VRK3: variants seen among roughly 807,000 people sequenced by gnomAD.
VRK3 encodes the protein serine/threonine-protein kinase VRK3.
Under a neutral mutation model 60.4 loss-of-function variants are expected in VRK3, and 50 were observed. The ratio of observed to expected loss-of-function variants is 0.83; its 90% CI spans 0.66 to 1.05. The LOEUF (loss-of-function observed/expected upper bound fraction) is 1.05. Among genes scored for constraint, VRK3 ranks in the 50% least tolerant of loss-of-function variants. VRK3 has a pLI of 0.00. For synonymous variants in VRK3, 246 were observed against 227.8 expected (o/e 1.08, Z -0.72); for missense variants, 549 against 585.3 (o/e 0.94, Z 0.64).
intron 12 of VRK3, among the ~76,000 whole-genome samples, chr19:49,983,688 G>A (rs2123026844): frequency 6.6e-6 from 1 of 152,366 alleles, no homozygotes; most frequent in East Asian, 1.9e-4. Flanking sequence ...CATTTTGTCT[G>A]TCGTGAACTA....
Position 49,976,613 on chromosome 19 carries a change from G to A in VRK3, c.*183C>T, listed in dbSNP as rs950536927. The A allele has an allele frequency of 5.2e-5, 8 of 152,696 alleles. No homozygotes were observed. In the East Asian group the frequency reaches 1.5e-3, roughly 29 times the overall value. 9.5% of individuals were successfully genotyped at this position (152,696 alleles called of 1,614,324 possible). A position where few individuals can be genotyped will look rare whatever the true frequency, so the allele number is the denominator to read the frequency against. On this transcript the variant is annotated 3_prime_UTR_variant, in exon 15 of 15. Transcript: ENST00000316763. ...GATGGGGAACTTCACATTCACGGGA[G>A]GGAAACTGGGGCCCTCCGGGAGGCT...
intron 12 of VRK3, among the ~76,000 whole-genome samples, chr19:49,982,646 C>T (rs1234136605): frequency 6.6e-6 from 1 of 152,120 alleles, no homozygotes; most frequent in Non-Finnish European, 1.5e-5. Flanking sequence ...CTGTAAGTGG[C>T]CATGAAAGAA....
At chr19:50,019,404 C>T (rs1286960808) in intron 2 of VRK3, 2 of 149,924 alleles carry the variant, frequency 1.3e-5, no homozygotes, top group East Asian at 4.1e-4. Flanking sequence ...TGTATAGAGG[C>T]TGGTGCCTGG....
chr19:50,020,141 A>T (rs973561375), intron 2 of VRK3, among the ~76,000 whole-genome samples: 3 of 151,932 alleles, frequency 2.0e-5, no homozygotes, highest in Non-Finnish European at 4.4e-5. Context: ...CCCAGGTTCA[A>T]GCAATTCTCC....
rs1231247907 is a variant in VRK3, at chr19:49,995,305, C to A, written c.680-30G>T. ...GGAAAGCAGGGGCTTGAGGTTAGAA[C>A]CCACCCAGTCCCAAGCCCATGGCAG... On this transcript the variant is annotated intron_variant, in intron 7 of 14. Transcript: ENST00000316763. 8.8e-6 allele frequency: 14 copies of A among 1,599,756 alleles called. No individual in the cohort carries two copies. The East Asian group carries it at 3.1e-4, about 36-fold the overall frequency.
chr19:50,015,222 G>A (rs2077056259), intron 3 of VRK3, among the ~76,000 whole-genome samples: 2 of 152,140 alleles, frequency 1.3e-5, no homozygotes, highest in Admixed American at 1.3e-4. Flanking sequence ...CCCAAATCCG[G>A]AAATCTGAAA....
chr19:50,025,309 C>G lies in VRK3; in HGVS notation c.-107G>C, dbSNP rs1210066430. On this transcript the variant is annotated 5_prime_UTR_variant, in exon 1 of 15. Coordinates refer to ENST00000316763, the MANE Select transcript of VRK3 (RefSeq NM_016440.4). ...GGGGTGGGATTCTGGGCTTCTGCAG[C>G]CTGACCCTCGGATCCTCCGCAGTTA... is the stretch of plus-strand genomic sequence containing the variant. The G allele has an allele frequency of 6.6e-6, 1 of 152,328 alleles. No homozygotes were observed. The highest frequency in any genetic ancestry group is 1.5e-5 in the Non-Finnish European group (1 of 68,120). The allele number at this position is 152,328 out of a possible 1,614,324, so 9.4% of individuals were successfully genotyped here. A position where few individuals can be genotyped will look rare whatever the true frequency, so the allele number is the denominator to read the frequency against.
intron 2 of VRK3, among the ~76,000 whole-genome samples, chr19:50,017,234 T>C (rs1261025255): frequency 6.6e-6 from 1 of 151,428 alleles, no homozygotes; most frequent in African/African-American, 2.4e-5. Context: ...AAAAAGGCCA[T>C]TTATTTGTTC....
rs79903856 is a variant in VRK3, at chr19:50,018,290, C to A, written c.-1-2127G>T. On this transcript the variant is annotated intron_variant, in intron 2 of 14. Transcript: ENST00000316763. ...GCTGTGACCATATCATGCCTTGTACCCAAGTTACTATATTCCAGTCATTAA... is the reference window on the plus strand; with the variant it reads ...GCTGTGACCATATCATGCCTTGTACACAAGTTACTATATTCCAGTCATTAA... 8.8e-3 allele frequency among the ~76,000 whole-genome samples: 1,333 copies of A among 152,270 alleles called. 18 individuals are homozygous for A. The highest frequency in any genetic ancestry group is 0.031 in the African/African-American group (1,270 of 41,544).
chr19:49,990,040 T>TA (rs2076583868), intron 10 of VRK3, among the ~76,000 whole-genome samples: 1 of 152,144 alleles, frequency 6.6e-6, no homozygotes, highest in African/African-American at 2.4e-5. Flanking sequence ...TTTTTTTTTT[T>TA]TAAATAACCA....
At chr19:50,020,369 G>C (rs28669241) in intron 2 of VRK3, 2 of 152,154 alleles carry the variant, frequency 1.3e-5, no homozygotes, top group Non-Finnish European at 2.9e-5. Context: ...ACACGGCTTC[G>C]TGTTAAATAG....
intron 5 of VRK3, among the ~76,000 whole-genome samples, chr19:50,002,741 C>CA (rs1173740426): frequency 6.6e-6 from 1 of 152,096 alleles, no homozygotes; most frequent in Non-Finnish European, 1.5e-5. Flanking sequence ...CCAAGGGCCC[C>CA]AGCAGAGACA....
chr19:49,996,166 C>T (rs1278326851), intron 7 of VRK3, among the ~76,000 whole-genome samples: 1 of 151,998 alleles, frequency 6.6e-6, no homozygotes, highest in Admixed American at 6.6e-5. Flanking sequence ...ATGATCCGCC[C>T]GCCTCGGCCT....
intron 3 of VRK3, among the ~76,000 whole-genome samples, chr19:50,010,483 T>C (rs1347901776): frequency 6.6e-6 from 1 of 152,238 alleles, no homozygotes; most frequent in African/African-American, 2.4e-5. Flanking sequence ...AAGAGAAGAT[T>C]TGTTTATATC....
chr19:49,981,063 A>AC (rs766057524), intron 12 of VRK3, 50 bp from the exon 13 acceptor site: 1 of 1,539,794 alleles, frequency 6.5e-7, no homozygotes, highest in African/African-American at 1.4e-5. Flanking sequence ...AAGGAGAGCA[A>AC]CCTTTTAAAA....
At chr19:49,986,374 T>C (rs936369406) in intron 12 of VRK3, 5 of 153,180 alleles carry the variant, frequency 3.3e-5, no homozygotes, top group African/African-American at 9.7e-5. Context: ...GACATGTCTA[T>C]AGAAAATTGA....
At chr19:50,022,491 G>A (rs866060518) in intron 1 of VRK3, among the ~76,000 whole-genome samples, 15 of 151,846 alleles carry the variant, frequency 9.9e-5, no homozygotes, top group African/African-American at 3.6e-4. Context: ...TCCCTGCCCT[G>A]GCCCATATGG....
At chr19:49,986,104 C>T (rs1054671562) in intron 12 of VRK3, among the ~76,000 whole-genome samples, 2 of 152,228 alleles carry the variant, frequency 1.3e-5, no homozygotes, top group African/African-American at 2.4e-5. Context: ...ATCCCCTTCT[C>T]TGAAGGAGGA....
chr19:50,023,851 A>T (rs2077213218), intron 1 of VRK3, among the ~76,000 whole-genome samples: 1 of 152,318 alleles, frequency 6.6e-6, no homozygotes, highest in South Asian at 2.1e-4. Context: ...GGTCCCTAAA[A>T]AAGACGTGCC....
Sources: allele counts gnomAD v4.1 joint callset (sites outside exome capture counted in the v4.1 genomes callset), GRCh38; gene constraint gnomAD v4.1.1; transcripts MANE v1.5; gene names NCBI Gene and HGNC (gene_info 2026-07-23, HGNC 2026-07-21).